The following CRACD variants were observed in gnomAD, a reference collection of about 807,000 sequenced individuals.
The protein encoded by CRACD is capping protein-inhibiting regulator of actin dynamics.
In CRACD, 56 loss-of-function variants were observed where a neutral mutation model predicts 106.8. That is an observed-to-expected ratio of 0.52 (90% CI 0.42 to 0.66). The LOEUF (loss-of-function observed/expected upper bound fraction) is 0.66. CRACD is among the 30% of genes least tolerant of loss of function. The pLI is 0.00. For missense variants in CRACD, 1,730 were observed against 1,623.2 expected (o/e 1.07, Z -1.13); for synonymous variants, 754 against 670.8 (o/e 1.12, Z -1.92).
intron 1 of CRACD, among the ~76,000 whole-genome samples, chr4:56,108,397 G>A (rs1401164755): frequency 1.3e-5 from 2 of 152,132 alleles, no homozygotes; most frequent in African/African-American, 4.8e-5. Flanking sequence ...TTCAAATTGG[G>A]AGAATATAAA....
At chr4:56,246,591 A>G (rs1399280641) in intron 2 of CRACD, 2 of 152,220 alleles carry the variant, frequency 1.3e-5, no homozygotes, top group Non-Finnish European at 2.9e-5. Context: ...CAAGTGCCCT[A>G]CTGAGCTTCT....
chr4:56,238,570 A>T (rs1454866825), intron 2 of CRACD, among the ~76,000 whole-genome samples: 1 of 152,238 alleles, frequency 6.6e-6, no homozygotes, highest in Non-Finnish European at 1.5e-5. Flanking sequence ...TTGTAGGAAC[A>T]TGGAGAGGAT....
intron 1 of CRACD, among the ~76,000 whole-genome samples, chr4:56,110,234 G>T (rs1192567189): frequency 1.3e-5 from 2 of 152,218 alleles, no homozygotes; most frequent in African/African-American, 4.8e-5. Flanking sequence ...TCAAAATTCT[G>T]AGGGAAGTGT....
At chr4:56,275,319 G>A (rs967907389) in intron 3 of CRACD, among the ~76,000 whole-genome samples, 10 of 152,098 alleles carry the variant, frequency 6.6e-5, no homozygotes, top group African/African-American at 2.2e-4. Flanking sequence ...GCAAGGTGTG[G>A]CAGCAAGTGC....
chr4:56,210,941 T>A (rs1671365694), intron 2 of CRACD, among the ~76,000 whole-genome samples: 1 of 152,220 alleles, frequency 6.6e-6, no homozygotes, highest in African/African-American at 2.4e-5. Flanking sequence ...CTACCTTTTA[T>A]GAACACTTTA....
chr4:56,138,444 G>A (rs1399831734), intron 1 of CRACD, among the ~76,000 whole-genome samples: 1 of 152,022 alleles, frequency 6.6e-6, no homozygotes, highest in African/African-American at 2.4e-5. Context: ...CAGCCTGGGT[G>A]ATAGAGCAAC....
intron 2 of CRACD, among the ~76,000 whole-genome samples, chr4:56,265,351 T>C (rs1225615842): frequency 6.6e-6 from 1 of 151,852 alleles, no homozygotes; most frequent in Non-Finnish European, 1.5e-5. Context: ...CCCAAAATGC[T>C]TGTCAACTCA....
At chr4:56,307,810 A>C in intron 5 of CRACD, 111 bp downstream of exon 5, 8 of 1,089,512 alleles carry the variant, frequency 7.3e-6, no homozygotes, top group Non-Finnish European at 1.1e-5. Flanking sequence ...AGCTTTTCTC[A>C]TGAGTAGCTC....
At chr4:56,074,894 A>T (rs2109801777) in intron 1 of CRACD, among the ~76,000 whole-genome samples, 1 of 152,260 alleles carries the variant, frequency 6.6e-6, no homozygotes, top group African/African-American at 2.4e-5. Flanking sequence ...TTTTAGCATG[A>T]AGGGGTATTG....
chr4:56,138,075 C>CCA (rs1191232660), intron 1 of CRACD, among the ~76,000 whole-genome samples: 2 of 151,936 alleles, frequency 1.3e-5, no homozygotes, highest in African/African-American at 4.8e-5. Flanking sequence ...GACCAACCCC[C>CCA]CCACCCACTC....
At chr4:56,276,893 T>G (rs1742704065) in intron 3 of CRACD, among the ~76,000 whole-genome samples, 2 of 152,184 alleles carry the variant, frequency 1.3e-5, no homozygotes, top group African/African-American at 2.4e-5. Flanking sequence ...GTACAACACT[T>G]TATATTAAGT....
At chr4:56,260,667 C>T (rs1741640935) in intron 2 of CRACD, among the ~76,000 whole-genome samples, 1 of 152,136 alleles carries the variant, frequency 6.6e-6, no homozygotes, top group African/African-American at 2.4e-5. Flanking sequence ...TGATTCAATA[C>T]ATTGAAAGAT....
At chr4:56,221,624 T>C (rs1362384301) in intron 2 of CRACD, among the ~76,000 whole-genome samples, 1 of 152,102 alleles carries the variant, frequency 6.6e-6, no homozygotes, top group African/African-American at 2.4e-5. Context: ...AGGACTCATA[T>C]TCAGAATCTG....
At chr4:56,180,837 G>A (rs1736791942) in intron 2 of CRACD, among the ~76,000 whole-genome samples, 1 of 152,118 alleles carries the variant, frequency 6.6e-6, no homozygotes, top group African/African-American at 2.4e-5. Context: ...CACCCCTTAG[G>A]GAGTCACTTA....
At chr4:56,146,649 A>G (rs991336213) in intron 1 of CRACD, among the ~76,000 whole-genome samples, 2 of 147,314 alleles carry the variant, frequency 1.4e-5, no homozygotes, top group African/African-American at 2.5e-5. Context: ...CTCTTTTAAT[A>G]TAGGAATTTA....
chr4:56,049,255 C>CCGGCCAGCCGCT lies in CRACD; in HGVS notation c.-378_-367dup, dbSNP rs1437273591. 2 of 151,140 alleles carry CCGGCCAGCCGCT rather than the reference C, an allele frequency of 1.3e-5. No homozygotes were observed. The highest frequency in any genetic ancestry group is 3.0e-5 in the Non-Finnish European group (2 of 67,742). The allele number at this position is 151,140 out of a possible 1,614,324, so 9.4% of individuals were successfully genotyped here. A position where few individuals can be genotyped will look rare whatever the true frequency, so the allele number is the denominator to read the frequency against. On this transcript the variant is annotated 5_prime_UTR_variant, in exon 1 of 11. Transcript: ENST00000682029. ...GCCGCCCGCCCGGGACCGCCGGTCG[C>CCGGCCAGCCGCT]CGGCCAGCCGCTCTGCCAGCCGGAG...
At chr4:56,131,785 C>A (rs1168510843) in intron 1 of CRACD, among the ~76,000 whole-genome samples, 2 of 152,034 alleles carry the variant, frequency 1.3e-5, no homozygotes, top group African/African-American at 4.8e-5. Flanking sequence ...TAAGTTAATA[C>A]TATTAATACA....
intron 3 of CRACD, among the ~76,000 whole-genome samples, chr4:56,283,255 A>G (rs1044185812): frequency 1.3e-5 from 2 of 152,148 alleles, no homozygotes; most frequent in African/African-American, 4.8e-5. Flanking sequence ...ATCACAATAC[A>G]GGGAGTTGTG....
chr4:56,087,401 C>T (rs1010731467), intron 1 of CRACD, among the ~76,000 whole-genome samples: 2 of 152,200 alleles, frequency 1.3e-5, no homozygotes, highest in Non-Finnish European at 2.9e-5. Flanking sequence ...TGCAGAGACA[C>T]TGTTGGCCAT....
Sources: gnomAD v4.1 joint callset for allele counts (sites outside exome capture counted in the v4.1 genomes callset) on GRCh38, gnomAD v4.1.1 for gene constraint, MANE v1.5 for transcripts, NCBI Gene and HGNC (gene_info 2026-07-23, HGNC 2026-07-21) for gene names.